The following EEF1E1 variants were observed in gnomAD, a reference collection of about 807,000 sequenced individuals.
The protein encoded by EEF1E1 is eukaryotic translation elongation factor 1 epsilon 1, also known as eukaryotic translation elongation factor 1 epsilon-1.
A neutral mutation model predicts 19.9 loss-of-function variants in EEF1E1; 19 were observed. That is an observed-to-expected ratio of 0.95 (90% CI 0.66 to 1.40). EEF1E1 has a LOEUF of 1.40. EEF1E1 is among the 40% of genes most tolerant of loss of function. The pLI is 0.00. For synonymous variants in EEF1E1, 81 were observed against 80.0 expected (o/e 1.01, Z -0.07); for missense variants, 198 against 202.2 (o/e 0.98, Z 0.13).
Position 8,079,407 on chromosome 6 carries a change from C to A in EEF1E1, c.*483G>T. ...AACAACGAAAAAATATTTTTTCAAC[C>A]ACATTTACTAGCTCACATAAATATT... On this transcript the variant is annotated 3_prime_UTR_variant, in exon 4 of 4. Transcript: ENST00000379715. The A allele has an allele frequency of 1.0e-6, 1 of 987,722 alleles. No homozygotes were observed. Among genetic ancestry groups the A allele is most frequent in the Non-Finnish European group, 1.2e-6 (1 of 831,074 alleles). The allele number at this position is 987,722 out of a possible 1,614,324, so 61.2% of individuals were successfully genotyped here.
intron 2 of EEF1E1, chr6:8,095,492 G>A: frequency 4.8e-6 from 1 of 209,460 alleles, no homozygotes; most frequent in Non-Finnish European, 1.0e-5. Flanking sequence ...GACAGAGTGA[G>A]AACCTGTGAC....
intron 2 of EEF1E1, among the ~76,000 whole-genome samples, chr6:8,093,293 A>C: frequency 6.6e-6 from 1 of 150,760 alleles, no homozygotes; most frequent in East Asian, 2.0e-4. Context: ...ATATTCACAG[A>C]TGAGAACTAA....
In EEF1E1 at chr6:8,101,402, C is replaced by A. The variant is rs7768487; in HGVS notation, c.87+1033G>T. 2.0e-5 allele frequency among the ~76,000 whole-genome samples: 3 copies of A among 148,828 alleles called. No homozygotes were observed. In the East Asian group the frequency reaches 5.9e-4, roughly 29 times the overall value. Reference sequence around the variant, plus strand: ...AGCTAGGGAGTAGGGGCCGAAGGGACGGAATTATCACTGGGGCAGAGGAAA... The same window carrying A: ...AGCTAGGGAGTAGGGGCCGAAGGGAAGGAATTATCACTGGGGCAGAGGAAA... On this transcript the variant is annotated intron_variant, in intron 1 of 3. Coordinates refer to ENST00000379715, the MANE Select transcript of EEF1E1 (RefSeq NM_004280.5).
At chr6:8,078,932 A>G (rs1416679320), downstream of EEF1E1, among the ~76,000 whole-genome samples, 3 of 152,192 alleles carry the variant, frequency 2.0e-5, no homozygotes, top group Non-Finnish European at 2.9e-5. Flanking sequence ...ACTCAGCATC[A>G]ACACCAAAAC....
intron 1 of EEF1E1, among the ~76,000 whole-genome samples, chr6:8,099,791 C>CACAAAAA (rs768224090): frequency 2.0e-4 from 23 of 114,616 alleles, no homozygotes; most frequent in South Asian, 2.9e-4. Flanking sequence ...CACACACACA[C>CACAAAAA]AAAAAAAAAA....
intron 2 of EEF1E1, among the ~76,000 whole-genome samples, chr6:8,096,015 A>G (rs1314248673): frequency 1.3e-5 from 2 of 152,214 alleles, no homozygotes; most frequent in African/African-American, 4.8e-5. Flanking sequence ...AAGGAAGACA[A>G]TGCAAATTGT....
intron 1 of EEF1E1, among the ~76,000 whole-genome samples, chr6:8,100,265 T>G (rs1412250717): frequency 6.6e-6 from 1 of 152,200 alleles, no homozygotes. Context: ...CAATCCTTCA[T>G]AATTTATTGG....
chr6:8,078,032 A>C (rs1198769446), downstream of EEF1E1, among the ~76,000 whole-genome samples: 1 of 152,074 alleles, frequency 6.6e-6, no homozygotes, highest in Non-Finnish European at 1.5e-5. Flanking sequence ...TTACCTCCAC[A>C]TCTCAAAGTG....
At chr6:8,076,897 T>A (rs1404355024), downstream of EEF1E1, among the ~76,000 whole-genome samples, 2 of 151,932 alleles carry the variant, frequency 1.3e-5, no homozygotes, top group Non-Finnish European at 2.9e-5. Context: ...GTTCCTTTTA[T>A]AAAGCACAGA....
chr6:8,089,619 C>T (rs1757961563), intron 3 of EEF1E1, among the ~76,000 whole-genome samples: 2 of 152,208 alleles, frequency 1.3e-5, no homozygotes. Context: ...TTGGGTCTGC[C>T]TTCCCCAGCC....
At chr6:8,102,359 G>C in intron 1 of EEF1E1, 76 bp downstream of exon 1, 1 of 1,437,150 alleles carries the variant, frequency 7.0e-7, no homozygotes, top group Non-Finnish European at 9.4e-7. Context: ...TCTGGTGGCC[G>C]GCCCGGGTCC....
chr6:8,088,961 A>G (rs4960378), intron 3 of EEF1E1, among the ~76,000 whole-genome samples: 112,299 of 151,776 alleles, frequency 0.74, 42,414 homozygotes, highest in African/African-American at 0.88. Context: ...AAAAAAAGGA[A>G]CTGAGCCAGT....
intron 2 of EEF1E1, among the ~76,000 whole-genome samples, chr6:8,091,185 CAT>C (rs1032715112): frequency 6.2e-4 from 95 of 152,306 alleles, no homozygotes; most frequent in African/African-American, 1.8e-3. Flanking sequence ...CTCACCAACA[CAT>C]GTTGTGTTGC....
rs540498779 is a variant in EEF1E1 at position 8,095,591 on chromosome 6, CACAT to C, written c.288+1672_288+1675del. ...TTTTTTTTTTTTTTTAATACATGCA[CACAT>C]ATATACAAAAGGAAAAAAAAGGCAT... On this transcript the variant is annotated intron_variant, in intron 2 of 3. Transcript: ENST00000379715. 27 of 152,424 alleles carry C rather than the reference CACAT, an allele frequency of 1.8e-4. 1 individual carries two copies. The South Asian group carries it at 1.9e-3, about 11-fold the overall frequency. 9.4% of individuals were successfully genotyped at this position (152,424 alleles called of 1,614,324 possible).
chr6:8,095,190 A>G (rs1646560168), intron 2 of EEF1E1, among the ~76,000 whole-genome samples: 1 of 152,152 alleles, frequency 6.6e-6, no homozygotes, highest in South Asian at 2.1e-4. Flanking sequence ...TTGACAACAC[A>G]TTGTCGGTGA....
intron 3 of EEF1E1, among the ~76,000 whole-genome samples, chr6:8,085,679 T>C (rs2113644426): frequency 1.3e-5 from 2 of 152,352 alleles, no homozygotes; most frequent in South Asian, 4.1e-4. Flanking sequence ...TGAGAAATCA[T>C]GTGGTCGCCC....
At position 8,079,557 on chromosome 6, in the gene EEF1E1, T is replaced by G; in HGVS notation, c.*333A>C. ...AGAATATGAAAGAGAGGTTAATAAA[T>G]AGCCAAATATGTCAACCATTGAAAT... On this transcript the variant is annotated 3_prime_UTR_variant, in exon 4 of 4. Transcript: ENST00000379715. 9.8e-7 allele frequency: 1 copy of G among 1,020,622 alleles called. No homozygotes were observed. Among genetic ancestry groups the G allele is most frequent in the Non-Finnish European group, 1.2e-6 (1 of 850,524 alleles). The allele number at this position is 1,020,622 out of a possible 1,614,324, so 63.2% of individuals were successfully genotyped here.
chr6:8,081,459 G>A (rs1030079106), intron 3 of EEF1E1, among the ~76,000 whole-genome samples: 2 of 152,150 alleles, frequency 1.3e-5, no homozygotes, highest in Non-Finnish European at 2.9e-5. Context: ...ATTACATTAG[G>A]CTAACTGGTA....
intron 2 of EEF1E1, among the ~76,000 whole-genome samples, chr6:8,092,877 T>G (rs970032349): frequency 2.2e-5 from 3 of 138,640 alleles, no homozygotes; most frequent in Non-Finnish European, 4.6e-5. Context: ...TGCTTTTTTT[T>G]TTTTTTTTTT....
Sources: allele counts gnomAD v4.1 joint callset (sites outside exome capture counted in the v4.1 genomes callset), GRCh38; gene constraint gnomAD v4.1.1; transcripts MANE v1.5; gene names NCBI Gene and HGNC (gene_info 2026-07-23, HGNC 2026-07-21).